Variants in KALRN observed in about 807,000 individuals in gnomAD.
KALRN encodes the protein kalirin.
In KALRN, 70 loss-of-function variants were observed where a neutral mutation model predicts 353.7. The observed-to-expected ratio is 0.20, with a 90% confidence interval of 0.16 to 0.24. The LOEUF is 0.24. Ranked by LOEUF, KALRN falls within the 10% of genes least tolerant of loss-of-function variation. The probability of loss-of-function intolerance (pLI) is 1.00; values close to 1 mark genes in which losing one functional copy is unlikely to be tolerated. For missense variants in KALRN, 2,791 were observed against 3,756.7 expected (o/e 0.74, Z 6.72); for synonymous variants, 1,391 against 1,434.8 (o/e 0.97, Z 0.69).
intron 12 of KALRN, among the ~76,000 whole-genome samples, chr3:124,397,447 A>G (rs1167385643): frequency 6.6e-6 from 1 of 152,240 alleles, no homozygotes; most frequent in African/African-American, 2.4e-5. Context: ...CTAAAAGAAC[A>G]TGGCTTTCAG....
At chr3:124,613,576 C>T (rs1309798661) in intron 34 of KALRN, among the ~76,000 whole-genome samples, 1 of 152,140 alleles carries the variant, frequency 6.6e-6, no homozygotes, top group Non-Finnish European at 1.5e-5. Context: ...AGTGATCTGT[C>T]CAGGGTCTTG....
intron 13 of KALRN, among the ~76,000 whole-genome samples, chr3:124,399,745 GTT>G (rs2090626046): frequency 1.3e-5 from 2 of 152,132 alleles, no homozygotes; most frequent in Non-Finnish European, 2.9e-5. Flanking sequence ...AAACTCCTCA[GTT>G]TATTTTTGGA....
intron 7 of KALRN, among the ~76,000 whole-genome samples, chr3:124,327,043 G>T (rs2079988476): frequency 1.3e-5 from 2 of 152,152 alleles, no homozygotes. Context: ...TGTTGGTGAT[G>T]TCACATTGGT....
intron 33 of KALRN, among the ~76,000 whole-genome samples, chr3:124,507,655 C>T (rs1409420782): frequency 1.3e-5 from 2 of 152,166 alleles, no homozygotes; most frequent in East Asian, 3.9e-4. Flanking sequence ...AGTTCACACC[C>T]CAATTGATAA....
intron 1 of KALRN, among the ~76,000 whole-genome samples, chr3:124,066,645 C>T (rs1028829914): frequency 5.9e-5 from 9 of 152,088 alleles, no homozygotes; most frequent in Non-Finnish European, 1.3e-4. Flanking sequence ...TAGGGAACAC[C>T]GCTTCACCCT....
At chr3:124,064,407 G>A (rs1273973661) in intron 1 of KALRN, among the ~76,000 whole-genome samples, 1 of 152,162 alleles carries the variant, frequency 6.6e-6, no homozygotes, top group Admixed American at 6.5e-5. Context: ...GGGCTTTCAG[G>A]ACTTTTAGCT....
intron 1 of KALRN, among the ~76,000 whole-genome samples, chr3:124,173,663 T>A (rs778876482): frequency 6.6e-6 from 1 of 152,214 alleles, no homozygotes; most frequent in African/African-American, 2.4e-5. Context: ...GTCACCAGGC[T>A]GGGGTGCAAT....
chr3:124,551,796 T>C (rs2070570073), intron 33 of KALRN, among the ~76,000 whole-genome samples: 1 of 152,206 alleles, frequency 6.6e-6, no homozygotes, highest in South Asian at 2.1e-4. Context: ...CCTTAGAGAC[T>C]GTAAGCATGG....
chr3:124,120,774 A>G (rs1004622079), intron 1 of KALRN, among the ~76,000 whole-genome samples: 1 of 146,482 alleles, frequency 6.8e-6, no homozygotes, highest in East Asian at 2.0e-4. Context: ...CTATTCATTC[A>G]ATGTGTATTT....
intron 1 of KALRN, among the ~76,000 whole-genome samples, chr3:124,215,837 C>T (rs559180132): frequency 1.3e-5 from 2 of 152,280 alleles, no homozygotes; most frequent in South Asian, 2.1e-4. Flanking sequence ...ATGGTGCCAG[C>T]CTCACTAGGA....
rs1021925472 is a variant in KALRN at position 124,722,118 on chromosome 3, A to T, written c.*2648A>T. On this transcript the variant is annotated 3_prime_UTR_variant, in exon 60 of 60. Coordinates refer to ENST00000682506, the MANE Select transcript of KALRN (RefSeq NM_001388419.1). ...CTGCTGAGCCATTCTGAGTTTTTATAACAAGTTGAGTTTCTGCTTGAGAAG... is the reference window on the plus strand; with the variant it reads ...CTGCTGAGCCATTCTGAGTTTTTATTACAAGTTGAGTTTCTGCTTGAGAAG... 16 of 152,340 alleles carry T rather than the reference A, an allele frequency of 1.1e-4. No homozygotes were observed. The highest frequency in any genetic ancestry group is 3.9e-4 in the African/African-American group (16 of 41,428). 9.4% of individuals were successfully genotyped at this position (152,340 alleles called of 1,614,324 possible). A position where few individuals can be genotyped will look rare whatever the true frequency, so the allele number is the denominator to read the frequency against.
intron 47 of KALRN, among the ~76,000 whole-genome samples, chr3:124,671,129 G>A (rs1453615095): frequency 6.6e-6 from 1 of 152,136 alleles, no homozygotes; most frequent in African/African-American, 2.4e-5. Context: ...TTCCTCAAAT[G>A]TCGCTCTCTG....
chr3:124,044,500 G>A (rs1200161640), intron 1 of KALRN, among the ~76,000 whole-genome samples: 1 of 151,768 alleles, frequency 6.6e-6, no homozygotes, highest in African/African-American at 2.4e-5. Context: ...TGTAATCCCA[G>A]CTACTCAAGA....
At chr3:124,461,000 A>T (rs949609586) in intron 23 of KALRN, among the ~76,000 whole-genome samples, 2 of 152,240 alleles carry the variant, frequency 1.3e-5, no homozygotes, top group Non-Finnish European at 2.9e-5. Context: ...ACATCCGTTT[A>T]TGCTGTAAAC....
intron 1 of KALRN, among the ~76,000 whole-genome samples, chr3:124,184,640 C>T (rs2073997260): frequency 6.6e-6 from 1 of 152,194 alleles, no homozygotes; most frequent in Non-Finnish European, 1.5e-5. Context: ...CCTGCCCTCA[C>T]TTCTATAATT....
chr3:124,487,911 G>A (rs1214860119), intron 28 of KALRN, among the ~76,000 whole-genome samples: 5 of 152,188 alleles, frequency 3.3e-5, no homozygotes, highest in African/African-American at 1.2e-4. Context: ...TTCTCTAAGA[G>A]GGCAGTCCAG....
intron 1 of KALRN, among the ~76,000 whole-genome samples, chr3:124,146,874 CAAAAAAA>C (rs34633708): frequency 2.0e-5 from 1 of 49,924 alleles, no homozygotes; most frequent in Non-Finnish European, 3.4e-5. Flanking sequence ...GACTCTGTCT[CAAAAAAA>C]AAAAAAAAAA....
chr3:124,447,532 T>C (rs994290592), intron 21 of KALRN, among the ~76,000 whole-genome samples: 2 of 152,178 alleles, frequency 1.3e-5, no homozygotes, highest in Non-Finnish European at 2.9e-5. Flanking sequence ...TGAATGAAAA[T>C]CTGATCTGTC....
At chr3:124,699,255 G>A (rs2062204867) in intron 55 of KALRN, among the ~76,000 whole-genome samples, 1 of 152,160 alleles carries the variant, frequency 6.6e-6, no homozygotes, top group South Asian at 2.1e-4. Flanking sequence ...GCATTATCCA[G>A]TTCATAGTTC....
Sources: gnomAD v4.1 joint callset for allele counts (sites outside exome capture counted in the v4.1 genomes callset) on GRCh38, gnomAD v4.1.1 for gene constraint, MANE v1.5 for transcripts, NCBI Gene and HGNC (gene_info 2026-07-23, HGNC 2026-07-21) for gene names.